VWA5B1: variants seen among roughly 807,000 people sequenced by gnomAD.
VWA5B1 encodes the protein von Willebrand factor A domain-containing protein 5B1.
A neutral mutation model predicts 118.2 loss-of-function variants in VWA5B1; 115 were observed. The ratio of observed to expected loss-of-function variants is 0.97; its 90% CI spans 0.84 to 1.14. The LOEUF (loss-of-function observed/expected upper bound fraction) is 1.14, where lower values mean the gene tolerates loss of function less well. Among genes scored for constraint, VWA5B1 ranks in the 50% most tolerant of loss-of-function variants. The probability of loss-of-function intolerance (pLI) is 0.00; values close to 1 mark genes in which losing one functional copy is unlikely to be tolerated. For synonymous variants in VWA5B1, 682 were observed against 658.4 expected (o/e 1.04, Z -0.55); for missense variants, 1,596 against 1,603.8 (o/e 1.00, Z 0.08).
At chr1:20,311,875 T>A (rs2100841427) in intron 2 of VWA5B1, among the ~76,000 whole-genome samples, 1 of 152,312 alleles carries the variant, frequency 6.6e-6, no homozygotes, top group African/African-American at 2.4e-5. Flanking sequence ...TGTTCCTCTG[T>A]TCAAGGAAAC....
intron 13 of VWA5B1, 120 bp downstream of exon 13, chr1:20,336,606 A>G: frequency 8.9e-7 from 1 of 1,117,374 alleles, no homozygotes; most frequent in Non-Finnish European, 1.2e-6. Context: ...TGTTATACCC[A>G]CTTTACAGAT....
Position 20,323,388 on chromosome 1 carries a change from C to T in VWA5B1, c.999C>T (p.Asp333=). The stretch of plus-strand genomic sequence containing the variant: ...TCATTCGAAAACGCCTCCACAAAGA[C>T]ATTCCCCACCACTCCGTCATCATGC... ...TEIIRKRLHK[D]IPHHSVIMLN... is the part of the protein sequence containing the mutation. The change falls in exon 8 of 22, where the codon GAC becomes GAT. Residue 333 remains aspartate (D), a synonymous_variant. Transcript: ENST00000289815. The T allele has an allele frequency of 3.3e-6, 5 of 1,514,426 alleles. No homozygotes were observed. Among genetic ancestry groups the T allele is most frequent in the Non-Finnish European group, 4.4e-6 (5 of 1,131,078 alleles). The allele number at this position is 1,514,426 out of a possible 1,614,324, so 93.8% of individuals were successfully genotyped here.
In VWA5B1 at chr1:20,314,723, C is replaced by T. The variant is rs2088953377; in HGVS notation, c.563+131C>T. Reference sequence around the variant, plus strand: ...GGAGGCTCTGCTCTACGATTGCCACCCTCTGAGCCATTTGCTTCTCCCCTG... The same window carrying T: ...GGAGGCTCTGCTCTACGATTGCCACTCTCTGAGCCATTTGCTTCTCCCCTG... On this transcript the variant is annotated intron_variant, in intron 4 of 21. Coordinates refer to ENST00000289815, the MANE Select transcript of VWA5B1 (RefSeq NM_001039500.3). The T allele has an allele frequency of 5.6e-6, 8 of 1,433,594 alleles. No individual in the cohort carries two copies. The Admixed American group carries it at 1.9e-4, about 34-fold the overall frequency. The allele number at this position is 1,433,594 out of a possible 1,614,324, so 88.8% of individuals were successfully genotyped here.
chr1:20,350,171 C>T lies in VWA5B1; in HGVS notation c.2894C>T (p.Pro965Leu). 1 of 1,551,218 alleles carries T rather than the reference C, an allele frequency of 6.4e-7. No individual in the cohort carries two copies. The highest frequency in any genetic ancestry group is 1.4e-5 in the African/African-American group (1 of 73,158). Residue 965 changes from proline (P) to leucine (L), a missense_variant, in exon 19 of 22, where the codon CCC becomes CTC. Coordinates refer to ENST00000289815, the MANE Select transcript of VWA5B1 (RefSeq NM_001039500.3). ...TCTGTCCTAGACATGGAGGCAAGTC[C>T]CACTGCTCTCTTCAGCGAGGCCAGG... ...SAPGNDMEAS[P>L]TALFSEARSP... is the part of the protein sequence containing the mutation.
chr1:20,312,288 C>T (rs946041110), intron 2 of VWA5B1, among the ~76,000 whole-genome samples: 2 of 152,168 alleles, frequency 1.3e-5, no homozygotes, highest in Admixed American at 6.5e-5. Context: ...ATGTGTGGCA[C>T]GTGGCTTAAT....
intron 7 of VWA5B1, 98 bp from the exon 8 acceptor site, chr1:20,323,258 A>G: frequency 8.5e-7 from 1 of 1,173,000 alleles, no homozygotes; most frequent in Non-Finnish European, 1.1e-6. Context: ...GAGCCTGAGC[A>G]GGATGTGGGT....
intron 7 of VWA5B1, among the ~76,000 whole-genome samples, chr1:20,319,886 C>T (rs1218391540): frequency 6.6e-6 from 1 of 152,198 alleles, no homozygotes; most frequent in Non-Finnish European, 1.5e-5. Context: ...AGCTGGGTAG[C>T]CTCTTGCTCT....
intron 5 of VWA5B1, among the ~76,000 whole-genome samples, chr1:20,318,269 C>T (rs1013086922): frequency 6.6e-6 from 1 of 151,708 alleles, no homozygotes; most frequent in East Asian, 2.0e-4. Context: ...GTCAAAAAAG[C>T]ACCCTCCGAC....
At chr1:20,351,062 C>A in intron 20 of VWA5B1, 136 bp downstream of exon 20, 1 of 782,670 alleles carries the variant, frequency 1.3e-6, no homozygotes, top group South Asian at 1.7e-5. Flanking sequence ...AGAAGGCACT[C>A]CTGCCCAGAG....
chr1:20,338,039 G>A lies in VWA5B1; in HGVS notation c.2133+203G>A, dbSNP rs1161122321. The A allele has an allele frequency of 6.4e-5, 46 of 714,786 alleles. No homozygotes were observed. The East Asian group carries it at 7.4e-4, about 11-fold the overall frequency. 44.3% of individuals were successfully genotyped at this position (714,786 alleles called of 1,614,324 possible). A position where few individuals can be genotyped will look rare whatever the true frequency, so the allele number is the denominator to read the frequency against. On this transcript the variant is annotated intron_variant, in intron 14 of 21. Coordinates refer to ENST00000289815, the MANE Select transcript of VWA5B1 (RefSeq NM_001039500.3). ...AGGACACCCACCGGTCAATAAGCTC[G>A]CTCATTCCCTGCACACACACTGCCC...
At chr1:20,316,691 C>T (rs974815201) in intron 4 of VWA5B1, among the ~76,000 whole-genome samples, 5 of 152,126 alleles carry the variant, frequency 3.3e-5, no homozygotes, top group East Asian at 1.9e-4. Context: ...TTGGCTAAGC[C>T]GTTGCTCCTG....
rs2089591458 is a variant in VWA5B1 at position 20,332,493 on chromosome 1, A to ATAAAATAAAATAAAG, written c.1573-259_1573-258insGTAAAATAAAATAAA. On this transcript the variant is annotated intron_variant, in intron 11 of 21. Coordinates refer to ENST00000289815, the MANE Select transcript of VWA5B1 (RefSeq NM_001039500.3). ...AGACTCTGTCTCAAAATAAAATAAAATAAAATAAAATAAAATAAAATAAAA... is the reference window on the plus strand; with the variant it reads ...AGACTCTGTCTCAAAATAAAATAAAATAAAATAAAATAAAGTAAAATAAAATAAAATAAAATAAAA... 4.0e-5 allele frequency among the ~76,000 whole-genome samples: 4 copies of ATAAAATAAAATAAAG among 98,788 alleles called. No individual in the cohort carries two copies. In the Admixed American group the frequency reaches 4.1e-4, roughly 10 times the overall value. 64.8% of individuals were successfully genotyped at this position (98,788 alleles called of 152,430 possible).
chr1:20,296,006 G>A (rs1000593806), intron 1 of VWA5B1, among the ~76,000 whole-genome samples: 5 of 152,126 alleles, frequency 3.3e-5, no homozygotes, highest in South Asian at 2.1e-4. Context: ...GGGATTACAC[G>A]TGTGCACCAC....
At chr1:20,319,084 C>T (rs2089123481) in intron 6 of VWA5B1, among the ~76,000 whole-genome samples, 1 of 152,224 alleles carries the variant, frequency 6.6e-6, no homozygotes, top group Admixed American at 6.5e-5. Flanking sequence ...CAAGAATTCA[C>T]AGAATGTCAG....
rs950430202 is a variant in VWA5B1, at chr1:20,350,351, G to C, written c.2953+121G>C. 3 of 1,078,354 alleles carry C rather than the reference G, an allele frequency of 2.8e-6. No individual in the cohort carries two copies. In the Admixed American group the frequency reaches 6.1e-5, roughly 22 times the overall value. The allele number at this position is 1,078,354 out of a possible 1,614,324, so 66.8% of individuals were successfully genotyped here. ...GCTTCATGGAGTCCTCAAAGCAGCC[G>C]TCTGCATGGGGAATAGGATTATCCC... On this transcript the variant is annotated intron_variant, in intron 19 of 21. Transcript: ENST00000289815.
At chr1:20,310,051 T>G (rs2088799841) in intron 1 of VWA5B1, among the ~76,000 whole-genome samples, 2 of 151,712 alleles carry the variant, frequency 1.3e-5, no homozygotes, top group Admixed American at 1.3e-4. Flanking sequence ...TCCCCTTACT[T>G]TGGTGACTAT....
chr1:20,337,928 C>T, intron 14 of VWA5B1, 92 bp downstream of exon 14: 1 of 1,473,424 alleles, frequency 6.8e-7, no homozygotes, highest in South Asian at 1.2e-5. Flanking sequence ...ACGTGGCCAT[C>T]CACAACTTAC....
At position 20,343,140 on chromosome 1, in the gene VWA5B1, C is replaced by G. The variant is rs980328369; in HGVS notation, c.2373C>G (p.Ala791=). 41 of 1,546,176 alleles carry G rather than the reference C, an allele frequency of 2.7e-5. No individual in the cohort carries two copies. The highest frequency in any genetic ancestry group is 3.5e-5 in the Non-Finnish European group (40 of 1,144,074). ...CGTCCTCGGACTGGGACCCCCCAGC[C>G]GAGTCCCAGGAGCGAGCCAGTCCCA... is the stretch of plus-strand genomic sequence containing the variant. ...TETSSDWDPP[A]ESQERASPSR... Residue 791 remains alanine (A), a synonymous_variant, in exon 16 of 22, where the codon GCC becomes GCG. Transcript: ENST00000289815.
rs1468242206 is a variant in VWA5B1 at position 20,323,449 on chromosome 1, T to C, written c.1060T>C (p.Cys354Arg). ...TCCCGACCTCCAGTCAGTCCAGCCG[T>C]GCCTGAGAAAGGCCCACGGGGAGTT... is the stretch of plus-strand genomic sequence containing the variant. ...FCPDLQSVQP[C>R]LRKAHGEFIF... is the part of the protein sequence containing the mutation. The change falls in exon 8 of 22, where the codon TGC becomes CGC. Residue 354 changes from cysteine to arginine, a missense_variant. Physicochemically the swap from Cys to Arg is radical, Grantham distance 180. Transcript: ENST00000289815. 2.6e-6 allele frequency: 4 copies of C among 1,538,522 alleles called. No homozygotes were observed. The highest frequency in any genetic ancestry group is 1.8e-6 in the Non-Finnish European group (2 of 1,141,318).
Sources: allele counts gnomAD v4.1 joint callset (sites outside exome capture counted in the v4.1 genomes callset), GRCh38; gene constraint gnomAD v4.1.1; transcripts MANE v1.5; gene names NCBI Gene and HGNC (gene_info 2026-07-23, HGNC 2026-07-21).